Variants in RAB11FIP2 observed in about 807,000 individuals in gnomAD.
RAB11FIP2 encodes the protein RAB11 family interacting protein 2, also known as rab11 family-interacting protein 2.
In RAB11FIP2, 16 loss-of-function variants were observed where a neutral mutation model predicts 40.9. That is an observed-to-expected ratio of 0.39 (90% CI 0.26 to 0.59). The LOEUF is 0.59. Among genes scored for constraint, RAB11FIP2 ranks in the 20% least tolerant of loss-of-function variants. The probability of loss-of-function intolerance (pLI) is 0.53; values close to 1 mark genes in which losing one functional copy is unlikely to be tolerated. For missense variants in RAB11FIP2, 532 were observed against 606.2 expected (o/e 0.88, Z 1.28); for synonymous variants, 228 against 213.7 (o/e 1.07, Z -0.58).
intron 1 of RAB11FIP2, among the ~76,000 whole-genome samples, chr10:118,042,254 T>C (rs540040450): frequency 6.6e-6 from 1 of 151,834 alleles, no homozygotes; most frequent in East Asian, 1.9e-4. Flanking sequence ...AAAGCAAATA[T>C]GAGTAAAAAA....
At position 118,011,392 on chromosome 10, in the gene RAB11FIP2, C is replaced by T. The variant is rs186748092; in HGVS notation, c.1312-2167G>A. On this transcript the variant is annotated intron_variant, in intron 4 of 4. Transcript: ENST00000355624. Reference sequence around the variant, plus strand: ...TCTTTTATAAGTCTACACACATGCGCACACACACACACACACTCTCATGCA... The same window carrying T: ...TCTTTTATAAGTCTACACACATGCGTACACACACACACACACTCTCATGCA... Among the ~76,000 whole-genome samples the T allele has an allele frequency of 2.9e-3, 411 of 143,820 alleles. 3 individuals carry two copies. In the Middle Eastern group the frequency reaches 0.049, roughly 17 times the overall value. 94.4% of individuals were successfully genotyped at this position (143,820 alleles called of 152,430 possible).
rs1846482754 is a variant in RAB11FIP2 at position 118,036,481 on chromosome 10, A to T, written c.1265+2491T>A. 1.3e-5 allele frequency among the ~76,000 whole-genome samples: 2 copies of T among 152,166 alleles called. 1 individual carries two copies. The highest frequency in any genetic ancestry group is 2.9e-5 in the Non-Finnish European group (2 of 68,010). On this transcript the variant is annotated intron_variant, in intron 3 of 4. Transcript: ENST00000355624. The stretch of plus-strand genomic sequence containing the variant: ...AAAATAGAACTATACTGTTACGTAA[A>T]GACAACACTACCTTGGCAATATCCT...
chr10:118,012,349 C>T (rs1466619118), intron 4 of RAB11FIP2, among the ~76,000 whole-genome samples: 1 of 151,788 alleles, frequency 6.6e-6, no homozygotes, highest in Non-Finnish European at 1.5e-5. Flanking sequence ...ATTTTAGCAT[C>T]AAGTTTCTAG....
chr10:118,041,619 G>A (rs956204516), intron 1 of RAB11FIP2, among the ~76,000 whole-genome samples: 1 of 152,036 alleles, frequency 6.6e-6, no homozygotes, highest in Non-Finnish European at 1.5e-5. Context: ...AGCTCTAATC[G>A]AGTGTAACAA....
At chr10:118,044,110 T>TA (rs1419673097) in intron 1 of RAB11FIP2, among the ~76,000 whole-genome samples, 1 of 152,210 alleles carries the variant, frequency 6.6e-6, no homozygotes, top group Non-Finnish European at 1.5e-5. Flanking sequence ...ACCATAATAT[T>TA]AGAGTATTGC....
intron 3 of RAB11FIP2, among the ~76,000 whole-genome samples, chr10:118,015,367 C>T (rs1197704616): frequency 6.6e-6 from 1 of 152,146 alleles, no homozygotes; most frequent in Non-Finnish European, 1.5e-5. Context: ...TTCTAAACAA[C>T]TTTAAACATA....
At chr10:118,025,901 A>G (rs1376288584) in intron 3 of RAB11FIP2, among the ~76,000 whole-genome samples, 1 of 152,170 alleles carries the variant, frequency 6.6e-6, no homozygotes, top group East Asian at 1.9e-4. Context: ...TATCTCTATC[A>G]GCACTTACCA....
intron 4 of RAB11FIP2, among the ~76,000 whole-genome samples, chr10:118,010,287 C>G (rs1846140901): frequency 1.3e-5 from 2 of 152,100 alleles, no homozygotes; most frequent in African/African-American, 4.8e-5. Flanking sequence ...ATTTTCATCA[C>G]TATCTTTTAA....
At chr10:118,009,932 A>C (rs1846136039) in intron 4 of RAB11FIP2, among the ~76,000 whole-genome samples, 1 of 152,090 alleles carries the variant, frequency 6.6e-6, no homozygotes, top group Non-Finnish European at 1.5e-5. Context: ...TATTAATACT[A>C]CGGTTAGTAT....
Position 118,008,762 on chromosome 10 carries a change from C to T in RAB11FIP2, c.*236G>A, listed in dbSNP as rs111772380. On this transcript the variant is annotated 3_prime_UTR_variant, in exon 5 of 5. Coordinates refer to ENST00000355624, the MANE Select transcript of RAB11FIP2 (RefSeq NM_014904.3). ...CACCTGAGTGAGTCCTAAGGAACCACTTATTCATTGAGAATCTGGCCCATT... is the reference window on the plus strand; with the variant it reads ...CACCTGAGTGAGTCCTAAGGAACCATTTATTCATTGAGAATCTGGCCCATT... The T allele has an allele frequency of 2.2e-3, 1,058 of 491,780 alleles. 11 individuals carry two copies. The highest frequency in any genetic ancestry group is 0.019 in the African/African-American group (972 of 51,598). The allele number at this position is 491,780 out of a possible 1,614,324, so 30.5% of individuals were successfully genotyped here.
chr10:118,046,674 C>G lies in RAB11FIP2; in HGVS notation c.-511G>C, dbSNP rs559931609. 50 of 152,848 alleles carry G rather than the reference C, an allele frequency of 3.3e-4. No individual in the cohort carries two copies. Among genetic ancestry groups the G allele is most frequent in the Admixed American group, 2.0e-3 (30 of 15,314 alleles). 9.5% of individuals were successfully genotyped at this position (152,848 alleles called of 1,614,324 possible). A position where few individuals can be genotyped will look rare whatever the true frequency, so the allele number is the denominator to read the frequency against. On this transcript the variant is annotated 5_prime_UTR_variant, in exon 1 of 5. Transcript: ENST00000355624. The stretch of plus-strand genomic sequence containing the variant: ...TAATACGAACCGCCGGCGGCTAACG[C>G]GGCCTCGCTCCCTCTCGCAAACCTC...
At chr10:118,010,410 G>A (rs1846142066) in intron 4 of RAB11FIP2, among the ~76,000 whole-genome samples, 1 of 152,062 alleles carries the variant, frequency 6.6e-6, no homozygotes, top group East Asian at 1.9e-4. Context: ...AATGGGGACT[G>A]GTGAATGCAG....
chr10:118,045,843 G>A lies in RAB11FIP2; in HGVS notation c.321C>T (p.Asp107=). ...TCCTTCTTTGTTTGTCCTCAAAGAT[G>A]TCATTGAGATTGATTGCCACCTGCC... The part of the protein sequence containing the change: ...FLGQVAINLN[D]IFEDKQRRKT... Residue 107 remains aspartate, a synonymous_variant, in exon 1 of 5, where the codon GAC becomes GAT. Coordinates refer to ENST00000355624, the MANE Select transcript of RAB11FIP2 (RefSeq NM_014904.3). 1 of 1,611,836 alleles carries A rather than the reference G, an allele frequency of 6.2e-7. No individual in the cohort carries two copies. Among genetic ancestry groups the A allele is most frequent in the Non-Finnish European group, 8.5e-7 (1 of 1,178,802 alleles).
At chr10:118,033,972 T>G (rs757886445) in intron 3 of RAB11FIP2, 22 of 701,764 alleles carry the variant, frequency 3.1e-5, no homozygotes, top group South Asian at 1.6e-4. Context: ...CCCAGGCTGC[T>G]CCTACTTACA....
In RAB11FIP2 at chr10:118,006,781, T is replaced by A. The variant is rs541926071; in HGVS notation, c.*2217A>T. The A allele has an allele frequency of 6.6e-6, 1 of 152,150 alleles. No homozygotes were observed. The highest frequency in any genetic ancestry group is 6.5e-5 in the Admixed American group (1 of 15,270). 9.4% of individuals were successfully genotyped at this position (152,150 alleles called of 1,614,324 possible). On this transcript the variant is annotated 3_prime_UTR_variant, in exon 5 of 5. Coordinates refer to ENST00000355624, the MANE Select transcript of RAB11FIP2 (RefSeq NM_014904.3). Reference sequence around the variant, plus strand: ...TTTAAATATAATACTTGTCTCAGATTTAAAGATAAAAATTTTGATTGAGTT... The same window carrying A: ...TTTAAATATAATACTTGTCTCAGATATAAAGATAAAAATTTTGATTGAGTT...
At position 118,008,197 on chromosome 10, in the gene RAB11FIP2, C is replaced by G. The variant is rs1387902671; in HGVS notation, c.*801G>C. On this transcript the variant is annotated 3_prime_UTR_variant, in exon 5 of 5. Transcript: ENST00000355624. ...TGCTGTTATGAAGTTAATGAAGTCT[C>G]CTAAAATTTGTCATTCTTTAAAAAA... 3 of 152,076 alleles carry G rather than the reference C, an allele frequency of 2.0e-5. No homozygotes were observed. Among genetic ancestry groups the G allele is most frequent in the African/African-American group, 7.2e-5 (3 of 41,396 alleles). The allele number at this position is 152,076 out of a possible 1,614,324, so 9.4% of individuals were successfully genotyped here. A position where few individuals can be genotyped will look rare whatever the true frequency, so the allele number is the denominator to read the frequency against.
At chr10:118,024,858 C>T (rs1404533088) in intron 3 of RAB11FIP2, among the ~76,000 whole-genome samples, 1 of 152,100 alleles carries the variant, frequency 6.6e-6, no homozygotes, top group African/African-American at 2.4e-5. Context: ...ACCAGGAAGG[C>T]CTCAGGTGTT....
chr10:118,039,370 A>T lies in RAB11FIP2; in HGVS notation c.867T>A (p.Ile289=), dbSNP rs1221633266. ...DTSKMNQPDS[I]VDEGELCFGR... ...CGAAACACAATTCACCTTCATCCACAATGCTGTCAGGTTGGTTCATTTTAG... is the reference window on the plus strand; with the variant it reads ...CGAAACACAATTCACCTTCATCCACTATGCTGTCAGGTTGGTTCATTTTAG... The change falls in exon 3 of 5, where the codon ATT becomes ATA. Residue 289 remains isoleucine (I), a synonymous_variant. Transcript: ENST00000355624. 1 of 1,613,560 alleles carries T rather than the reference A, an allele frequency of 6.2e-7. No individual in the cohort carries two copies. The highest frequency in any genetic ancestry group is 1.3e-5 in the African/African-American group (1 of 75,000).
Position 118,040,577 on chromosome 10 carries a change from GA to G in RAB11FIP2, c.354-13del, listed in dbSNP as rs561432080. On this transcript the variant is annotated splice_polypyrimidine_tract_variant and intron_variant, in intron 1 of 4. Coordinates refer to ENST00000355624, the MANE Select transcript of RAB11FIP2 (RefSeq NM_014904.3). ...CTAATCTAAACCACCTTAAAGAGAA[GA>G]AAAAAAAATTGGCTGTAACACATAA... is the stretch of plus-strand genomic sequence containing the variant. The G allele has an allele frequency of 2.2e-5, 34 of 1,540,012 alleles. No individual in the cohort carries two copies. Among genetic ancestry groups the G allele is most frequent in the Middle Eastern group, 1.8e-4 (1 of 5,642 alleles).
Sources: gnomAD v4.1 joint callset for allele counts (sites outside exome capture counted in the v4.1 genomes callset) on GRCh38, gnomAD v4.1.1 for gene constraint, MANE v1.5 for transcripts, NCBI Gene and HGNC (gene_info 2026-07-23, HGNC 2026-07-21) for gene names.